SMC5: variants seen among roughly 807,000 people sequenced by gnomAD.
SMC5 encodes the protein structural maintenance of chromosomes protein 5.
A neutral mutation model predicts 148.3 loss-of-function variants in SMC5; 88 were observed. The ratio of observed to expected loss-of-function variants is 0.59; its 90% CI spans 0.50 to 0.71. The LOEUF is 0.71. Ranked by LOEUF, SMC5 falls within the 30% of genes least tolerant of loss-of-function variation. SMC5 has a pLI of 0.00. For synonymous variants in SMC5, 421 were observed against 432.8 expected (o/e 0.97, Z 0.34); for missense variants, 1,142 against 1,298.9 (o/e 0.88, Z 1.86).
At chr9:70,321,338 G>A (rs1266811168) in intron 15 of SMC5, among the ~76,000 whole-genome samples, 1 of 151,812 alleles carries the variant, frequency 6.6e-6, no homozygotes, top group Non-Finnish European at 1.5e-5. Context: ...TGGCCTTAAT[G>A]GGTCATATAT....
chr9:70,270,115 C>A (rs374988165), intron 3 of SMC5, among the ~76,000 whole-genome samples: 1 of 152,130 alleles, frequency 6.6e-6, no homozygotes, highest in Non-Finnish European at 1.5e-5. Flanking sequence ...ACTTTATATG[C>A]CATTTGTAAG....
intron 17 of SMC5, among the ~76,000 whole-genome samples, chr9:70,332,979 G>C (rs2036260273): frequency 6.6e-6 from 1 of 152,052 alleles, no homozygotes. Flanking sequence ...TATCAATCTT[G>C]GTGGAAAACT....
chr9:70,349,099 C>A (rs1360376037), intron 22 of SMC5, among the ~76,000 whole-genome samples: 1 of 152,214 alleles, frequency 6.6e-6, no homozygotes, highest in East Asian at 1.9e-4. Flanking sequence ...GACAAAGTCT[C>A]ACTCTCACCC....
At chr9:70,299,552 C>T (rs187855533) in intron 9 of SMC5, among the ~76,000 whole-genome samples, 39 of 152,000 alleles carry the variant, frequency 2.6e-4, no homozygotes, top group African/African-American at 7.2e-4. Context: ...TCTTACATCA[C>T]GCCCTTATTT....
chr9:70,269,853 C>G (rs1439241007), intron 3 of SMC5, among the ~76,000 whole-genome samples: 3 of 152,144 alleles, frequency 2.0e-5, no homozygotes, highest in Non-Finnish European at 4.4e-5. Context: ...ATGTAGAAAC[C>G]AGGAACAGAT....
chr9:70,350,463 A>AC lies in SMC5; in HGVS notation c.3158dup (p.Pro1054ThrfsTer11), dbSNP rs1256033878. ...AAATACATCTCAATACTTTTTCATA[A>AC]CACCAAAGGTAGGTAAAAAGTAACC... is the stretch of plus-strand genomic sequence containing the variant. On this transcript the variant is annotated frameshift_variant, in exon 24 of 25. Coordinates refer to ENST00000361138, the MANE Select transcript of SMC5 (RefSeq NM_015110.4). LOFTEE classifies it high-confidence loss of function. The AC allele has an allele frequency of 6.3e-7, 1 of 1,589,704 alleles. No individual in the cohort carries two copies.
At chr9:70,301,131 G>T (rs1279630218) in intron 10 of SMC5, among the ~76,000 whole-genome samples, 1 of 152,046 alleles carries the variant, frequency 6.6e-6, no homozygotes, top group African/African-American at 2.4e-5. Context: ...TATTTTAGAT[G>T]CATTGTTTTG....
chr9:70,327,728 T>C (rs183730967), intron 17 of SMC5, among the ~76,000 whole-genome samples: 95 of 152,328 alleles, frequency 6.2e-4, no homozygotes, highest in African/African-American at 2.2e-3. Flanking sequence ...TTACATTAGT[T>C]TCCAGCATCA....
At chr9:70,313,362 T>C (rs1045399038) in intron 11 of SMC5, among the ~76,000 whole-genome samples, 1 of 152,318 alleles carries the variant, frequency 6.6e-6, no homozygotes, top group South Asian at 2.1e-4. Flanking sequence ...CGTGTGTATA[T>C]ATAATAGCTA....
At chr9:70,313,947 G>A (rs892696564) in intron 11 of SMC5, among the ~76,000 whole-genome samples, 3 of 152,168 alleles carry the variant, frequency 2.0e-5, no homozygotes, top group Non-Finnish European at 4.4e-5. Flanking sequence ...GCAATGGACA[G>A]CAACTGAAAT....
intron 1 of SMC5, among the ~76,000 whole-genome samples, chr9:70,261,883 T>C (rs1438208804): frequency 6.6e-6 from 1 of 152,182 alleles, no homozygotes; most frequent in Non-Finnish European, 1.5e-5. Context: ...ACCTGCTACA[T>C]TGAAGTCAGA....
intron 11 of SMC5, chr9:70,310,730 C>T (rs1301245192): frequency 1.3e-5 from 2 of 152,184 alleles, no homozygotes; most frequent in Non-Finnish European, 2.9e-5. Flanking sequence ...GTTGGTTCTG[C>T]GTTGAAAATC....
chr9:70,304,188 A>T (rs2035437730), intron 10 of SMC5, among the ~76,000 whole-genome samples: 1 of 152,130 alleles, frequency 6.6e-6, no homozygotes, highest in Admixed American at 6.5e-5. Context: ...TCCTGGGCTT[A>T]AGCGATATTC....
At position 70,280,818 on chromosome 9, in the gene SMC5, T is replaced by C. The variant is rs367630327; in HGVS notation, c.738T>C (p.Tyr246=). Residue 246 remains tyrosine, a synonymous_variant, in exon 6 of 25, where the codon TAT becomes TAC. Transcript: ENST00000361138. ...LQKMVQRNER[Y]KQDVERFYER... ...AAATGGTTCAGAGGAATGAAAGATA[T>C]AAACAAGATGTGGAGAGGTTCTATG... 1.5e-5 allele frequency: 24 copies of C among 1,613,628 alleles called. No homozygotes were observed. The highest frequency in any genetic ancestry group is 1.8e-5 in the Non-Finnish European group (21 of 1,179,846).
At chr9:70,261,656 G>A (rs1449259551) in intron 1 of SMC5, among the ~76,000 whole-genome samples, 2 of 152,180 alleles carry the variant, frequency 1.3e-5, no homozygotes, top group Non-Finnish European at 2.9e-5. Context: ...CATGCATACA[G>A]GTGATTGATG....
chr9:70,261,504 G>A (rs1213995415), intron 1 of SMC5, among the ~76,000 whole-genome samples: 1 of 152,208 alleles, frequency 6.6e-6, no homozygotes, highest in Non-Finnish European at 1.5e-5. Context: ...AGAAGAGGGA[G>A]CAGTTTGAGG....
chr9:70,264,352 C>T lies in SMC5; in HGVS notation c.234C>T (p.Ile78=), dbSNP rs1342075683. 2.5e-6 allele frequency: 4 copies of T among 1,613,872 alleles called. No homozygotes were observed. Among genetic ancestry groups the T allele is most frequent in the South Asian group, 1.1e-5 (1 of 91,066 alleles). Residue 78 remains isoleucine, a synonymous_variant, in exon 2 of 25, where the codon ATC becomes ATT. Coordinates refer to ENST00000361138, the MANE Select transcript of SMC5 (RefSeq NM_015110.4). ...CTCCTGGACCCCACTTGAATATGAT[C>T]GTTGGAGCCAATGGAACAGGGAAGT... ...EVSPGPHLNM[I]VGANGTGKSS... is the part of the protein sequence containing the mutation.
chr9:70,263,244 C>T (rs12683986), intron 1 of SMC5, among the ~76,000 whole-genome samples: 10,486 of 152,186 alleles, frequency 0.069, 575 homozygotes, highest in East Asian at 0.22. Context: ...TTTTGAAACC[C>T]AGCTGCTAGC....
chr9:70,327,896 C>T (rs1328171299), intron 17 of SMC5, among the ~76,000 whole-genome samples: 5 of 152,054 alleles, frequency 3.3e-5, no homozygotes, highest in African/African-American at 4.8e-5. Context: ...GTATAGGAAG[C>T]GTGGCTGGGA....
Sources: gnomAD v4.1 joint callset for allele counts (sites outside exome capture counted in the v4.1 genomes callset) on GRCh38, gnomAD v4.1.1 for gene constraint, MANE v1.5 for transcripts, NCBI Gene and HGNC (gene_info 2026-07-23, HGNC 2026-07-21) for gene names.